Variants in ARHGAP44 observed in about 807,000 individuals in gnomAD.
The protein encoded by ARHGAP44 is Rho GTPase activating protein 44, also known as rho GTPase-activating protein 44.
Under a neutral mutation model 106.8 loss-of-function variants are expected in ARHGAP44, and 43 were observed. The ratio of observed to expected loss-of-function variants is 0.40; its 90% CI spans 0.32 to 0.52. The LOEUF (loss-of-function observed/expected upper bound fraction) is 0.52, where lower values mean the gene tolerates loss of function less well. Among genes scored for constraint, ARHGAP44 ranks in the 20% least tolerant of loss-of-function variants. The pLI is 0.48. For missense variants in ARHGAP44, 866 were observed against 1,050.5 expected, an observed-to-expected ratio of 0.82 and a Z score of 2.43; for synonymous variants, 439 against 410.3, an observed-to-expected ratio of 1.07 and a Z score of -0.85.
intron 1 of ARHGAP44, among the ~76,000 whole-genome samples, chr17:12,811,588 C>G (rs2034443126): frequency 6.6e-6 from 1 of 152,104 alleles, no homozygotes; most frequent in Non-Finnish European, 1.5e-5. Context: ...CTGTGTTGTT[C>G]AAAGGCCAAC....
intron 1 of ARHGAP44, among the ~76,000 whole-genome samples, chr17:12,849,640 A>G (rs936063466): frequency 7.5e-6 from 1 of 133,246 alleles, no homozygotes; most frequent in Non-Finnish European, 1.5e-5. Context: ...ATCCCAAAGC[A>G]TCCTGCTGTT....
chr17:12,791,568 C>T (rs2033759049), intron 1 of ARHGAP44, among the ~76,000 whole-genome samples: 1 of 152,182 alleles, frequency 6.6e-6, no homozygotes, highest in African/African-American at 2.4e-5. Flanking sequence ...ATGCCTCCTC[C>T]CTGGCCTTCC....
chr17:12,825,780 A>G (rs2034902891), intron 1 of ARHGAP44, among the ~76,000 whole-genome samples: 1 of 152,190 alleles, frequency 6.6e-6, no homozygotes, highest in Non-Finnish European at 1.5e-5. Flanking sequence ...AGTTGACACA[A>G]AAAAATTAAA....
chr17:12,902,120 T>C (rs918882220), intron 3 of ARHGAP44, among the ~76,000 whole-genome samples: 1 of 152,166 alleles, frequency 6.6e-6, no homozygotes, highest in African/African-American at 2.4e-5. Flanking sequence ...CTTTGTAGAA[T>C]AAAATCTGAA....
chr17:12,831,105 A>C (rs532328810), intron 1 of ARHGAP44, among the ~76,000 whole-genome samples: 1 of 152,216 alleles, frequency 6.6e-6, no homozygotes, highest in Non-Finnish European at 1.5e-5. Flanking sequence ...AGTGTTTACT[A>C]TGCTCCAGAA....
At chr17:12,832,310 C>T (rs80317908) in intron 1 of ARHGAP44, among the ~76,000 whole-genome samples, 4,176 of 151,944 alleles carry the variant, frequency 0.027, 176 homozygotes, top group African/African-American at 0.093. Context: ...CAAGTTGTTT[C>T]CTGGATTGGG....
chr17:12,811,034 CG>C (rs1366761094), intron 1 of ARHGAP44, among the ~76,000 whole-genome samples: 5 of 151,964 alleles, frequency 3.3e-5, no homozygotes, highest in Non-Finnish European at 7.4e-5. Context: ...AAATCATGGC[CG>C]GGTGCGGTGG....
chr17:12,949,107 T>TTGC lies in ARHGAP44; in HGVS notation c.862-30_862-28dup. ...TGCGCTTTGATGTTGTACCTTGGAG[T>TTGC]TGCTGTGCGCTGACCCTCTGTCCTG... On this transcript the variant is annotated intron_variant, in intron 10 of 20. Coordinates refer to ENST00000379672, the MANE Select transcript of ARHGAP44 (RefSeq NM_014859.6). The surrounding 1 kb of genome is among the most constrained non-coding windows in gnomAD (Gnocchi z 4.1). The TTGC allele has an allele frequency of 6.5e-7, 1 of 1,542,338 alleles. No homozygotes were observed. The highest frequency in any genetic ancestry group is 8.8e-7 in the Non-Finnish European group (1 of 1,139,258).
chr17:12,880,642 T>C (rs1224475747), intron 1 of ARHGAP44, among the ~76,000 whole-genome samples: 2 of 152,128 alleles, frequency 1.3e-5, no homozygotes, highest in African/African-American at 2.4e-5. Flanking sequence ...CTCCTCTCGA[T>C]GGCCATTTTT....
At chr17:12,973,910 C>T in intron 17 of ARHGAP44, 179 bp from the exon 18 acceptor site, 1 of 700,154 alleles carries the variant, frequency 1.4e-6, no homozygotes, top group Non-Finnish European at 2.5e-6. Flanking sequence ...GTGTCTTGGC[C>T]GCCGGGAGCA....
intron 5 of ARHGAP44, among the ~76,000 whole-genome samples, chr17:12,917,524 T>C (rs1033745158): frequency 7.9e-5 from 12 of 152,180 alleles, no homozygotes; most frequent in African/African-American, 2.9e-4. Context: ...CTTCCACCTG[T>C]GTGTTTCAGC....
At chr17:12,936,911 CT>C (rs1487049779) in intron 7 of ARHGAP44, among the ~76,000 whole-genome samples, 1 of 152,170 alleles carries the variant, frequency 6.6e-6, no homozygotes, top group Non-Finnish European at 1.5e-5. Context: ...CTTGTTCAGT[CT>C]GTTTTTTGCC....
chr17:12,808,056 C>A (rs969889252), intron 1 of ARHGAP44, among the ~76,000 whole-genome samples: 16 of 152,212 alleles, frequency 1.1e-4, no homozygotes, highest in African/African-American at 3.9e-4. Flanking sequence ...AGTTATTAAA[C>A]CTTAAAGTTC....
intron 1 of ARHGAP44, among the ~76,000 whole-genome samples, chr17:12,812,685 C>T (rs1395698457): frequency 1.3e-5 from 2 of 152,130 alleles, no homozygotes; most frequent in Non-Finnish European, 2.9e-5. Flanking sequence ...CACAAACACA[C>T]GTGGTTAACA....
chr17:12,841,639 C>CA lies in ARHGAP44; in HGVS notation c.53+51751dup, dbSNP rs1331198278. Among the ~76,000 whole-genome samples the CA allele has an allele frequency of 4.0e-3, 543 of 137,442 alleles. 8 individuals carry two copies. Among genetic ancestry groups the CA allele is most frequent in the African/African-American group, 0.015 (513 of 33,974 alleles). 90.2% of individuals were successfully genotyped at this position (137,442 alleles called of 152,430 possible). A position where few individuals can be genotyped will look rare whatever the true frequency, so the allele number is the denominator to read the frequency against. ...ACACACACACACACACACACACACA[C>CA]AAACAAACAAACAAAAACCACACAA... On this transcript the variant is annotated intron_variant, in intron 1 of 20. Coordinates refer to ENST00000379672, the MANE Select transcript of ARHGAP44 (RefSeq NM_014859.6).
intron 1 of ARHGAP44, among the ~76,000 whole-genome samples, chr17:12,808,077 TC>T (rs1333853688): frequency 7.2e-5 from 11 of 152,184 alleles, no homozygotes; most frequent in Non-Finnish European, 1.3e-4. Context: ...CAAAATGATT[TC>T]CTTTGACTCC....
intron 1 of ARHGAP44, among the ~76,000 whole-genome samples, chr17:12,824,477 A>C (rs934958105): frequency 1.3e-5 from 2 of 151,992 alleles, no homozygotes; most frequent in Non-Finnish European, 2.9e-5. Flanking sequence ...CACACTCCCC[A>C]TGTCATGACC....
intron 3 of ARHGAP44, among the ~76,000 whole-genome samples, chr17:12,903,814 A>G (rs569963438): frequency 6.6e-6 from 1 of 152,222 alleles, no homozygotes; most frequent in African/African-American, 2.4e-5. Context: ...AGAAGACTGG[A>G]TATCATTATA....
At chr17:12,795,901 T>A (rs1296994957) in intron 1 of ARHGAP44, among the ~76,000 whole-genome samples, 1 of 152,132 alleles carries the variant, frequency 6.6e-6, no homozygotes, top group African/African-American at 2.4e-5. Context: ...AGGAAGCAGA[T>A]GTTTTGCTTT....
Sources: gnomAD v4.1 joint callset for allele counts (sites outside exome capture counted in the v4.1 genomes callset) on GRCh38, gnomAD v4.1.1 for gene constraint, Gnocchi (gnomAD v3.1) non-coding constraint, MANE v1.5 for transcripts, NCBI Gene and HGNC (gene_info 2026-07-23, HGNC 2026-07-21) for gene names.